The following TFG variants were observed in gnomAD, a reference collection of about 807,000 sequenced individuals.
The protein encoded by TFG is trafficking from ER to golgi regulator, also known as protein TFG.
TFG carries 22 observed loss-of-function variants against 51.4 expected under a neutral mutation model. The ratio of observed to expected loss-of-function variants is 0.43; its 90% CI spans 0.31 to 0.61. TFG has a LOEUF of 0.61. Among genes scored for constraint, TFG ranks in the 20% least tolerant of loss-of-function variants. TFG has a pLI of 0.12. For synonymous variants in TFG, 187 were observed against 165.6 expected, an observed-to-expected ratio of 1.13 and a Z score of -0.99; for missense variants, 419 against 487.7, an observed-to-expected ratio of 0.86 and a Z score of 1.33.
chr3:100,713,901 T>TA, intron 2 of TFG, 32 bp downstream of exon 2: 5 of 1,262,314 alleles, frequency 4.0e-6, no homozygotes, highest in Non-Finnish European at 5.3e-6. Context: ...TTTTTTAAAG[T>TA]CTTTTTAAAA....
At chr3:100,728,921 A>AG in intron 4 of TFG, 63 bp downstream of exon 4, 1 of 1,407,090 alleles carries the variant, frequency 7.1e-7, no homozygotes, top group Non-Finnish European at 9.4e-7. Flanking sequence ...GGTTTTAAAA[A>AG]ACTCTTTTTA....
chr3:100,713,329 A>C lies in TFG; in HGVS notation c.-43-314A>C, dbSNP rs142461512. Among the ~76,000 whole-genome samples the C allele has an allele frequency of 4.0e-3, 611 of 152,318 alleles. 5 individuals are homozygous for C. In the Middle Eastern group the frequency reaches 0.044, roughly 11 times the overall value. On this transcript the variant is annotated intron_variant, in intron 1 of 7. Coordinates refer to ENST00000240851, the MANE Select transcript of TFG (RefSeq NM_006070.6). The stretch of plus-strand genomic sequence containing the variant: ...GTCTTATACAACTCGAAGGAAGATA[A>C]AGAAGCCTCTAGGAGAGGCAGGTTT...
chr3:100,721,034 G>A (rs2095059451), intron 3 of TFG, among the ~76,000 whole-genome samples: 1 of 151,824 alleles, frequency 6.6e-6, no homozygotes, highest in South Asian at 2.1e-4. Context: ...TCTCCATCTA[G>A]GAAGGATGAA....
At chr3:100,719,498 A>T (rs903686223) in intron 2 of TFG, among the ~76,000 whole-genome samples, 10 of 152,186 alleles carry the variant, frequency 6.6e-5, no homozygotes, top group African/African-American at 2.4e-4. Context: ...ATGGTCAGTG[A>T]CCTGAAAGAA....
chr3:100,740,952 C>T (rs1316847598), intron 6 of TFG, among the ~76,000 whole-genome samples: 2 of 152,052 alleles, frequency 1.3e-5, no homozygotes, highest in Non-Finnish European at 1.5e-5. Flanking sequence ...TTTCTATTGC[C>T]TAGTGATGTG....
chr3:100,724,096 A>G (rs2095068353), intron 3 of TFG, among the ~76,000 whole-genome samples: 1 of 152,182 alleles, frequency 6.6e-6, no homozygotes, highest in African/African-American at 2.4e-5. Context: ...TTTTTAGAGA[A>G]TGCTAAAGCT....
intron 1 of TFG, among the ~76,000 whole-genome samples, chr3:100,712,167 G>A (rs1483115426): frequency 1.3e-5 from 2 of 152,156 alleles, no homozygotes; most frequent in Non-Finnish European, 2.9e-5. Flanking sequence ...GAGGGGTCTA[G>A]AGATATTAAT....
intron 1 of TFG, 173 bp downstream of exon 1, chr3:100,709,894 G>T (rs1436534728): frequency 1.5e-5 from 2 of 129,292 alleles, no homozygotes; most frequent in Non-Finnish European, 3.4e-5. Flanking sequence ...GGGAGGACGA[G>T]GCCGGGGGGG....
intron 4 of TFG, among the ~76,000 whole-genome samples, chr3:100,729,596 TTTC>T (rs1227259681): frequency 1.3e-5 from 2 of 151,518 alleles, no homozygotes; most frequent in African/African-American, 4.9e-5. Context: ...TTATTATTTT[TTTC>T]TTTTTACAAA....
At position 100,719,981 on chromosome 3, in the gene TFG, A is replaced by G; in HGVS notation, c.191A>G (p.Asp64Gly). The part of the protein sequence containing the change: ...VTIKYKDEDG[D>G]LITIFDSSDL... ...TTTTTTTTTTAAATTCCAGATGGAG[A>G]TCTTATAACAATTTTTGATAGTTCT... is the stretch of plus-strand genomic sequence containing the variant. Residue 64 changes from aspartate to glycine, a missense_variant, in exon 3 of 8, where the codon GAT becomes GGT. By Grantham distance (94) the Asp-to-Gly change is moderately conservative. Coordinates refer to ENST00000240851, the MANE Select transcript of TFG (RefSeq NM_006070.6). 2.0e-6 allele frequency: 3 copies of G among 1,530,600 alleles called. No homozygotes were observed. Among genetic ancestry groups the G allele is most frequent in the Admixed American group, 4.3e-5 (2 of 46,808 alleles). 94.8% of individuals were successfully genotyped at this position (1,530,600 alleles called of 1,614,324 possible).
intron 7 of TFG, 116 bp from the exon 8 acceptor site, chr3:100,748,033 C>T: frequency 2.2e-6 from 2 of 913,436 alleles, no homozygotes; most frequent in Non-Finnish European, 3.3e-6. Context: ...CTGCTTGTTA[C>T]ATACATATTT....
At chr3:100,712,130 TAATAA>T (rs2095032972) in intron 1 of TFG, among the ~76,000 whole-genome samples, 1 of 152,236 alleles carries the variant, frequency 6.6e-6, no homozygotes, top group Non-Finnish European at 1.5e-5. Context: ...GAAGATTTAT[TAATAA>T]AATATCTGTT....
intron 2 of TFG, among the ~76,000 whole-genome samples, chr3:100,717,576 A>G (rs72928981): frequency 0.042 from 4,232 of 101,800 alleles, 182 homozygotes; most frequent in African/African-American, 0.11. Context: ...TTCTTTCATC[A>G]GTGTTTTTTT....
chr3:100,727,080 A>G (rs1009891287), intron 3 of TFG, among the ~76,000 whole-genome samples: 3 of 152,162 alleles, frequency 2.0e-5, no homozygotes, highest in African/African-American at 7.2e-5. Context: ...GAGTTTTGAC[A>G]TGGTTATGGA....
intron 5 of TFG, among the ~76,000 whole-genome samples, chr3:100,736,116 G>T (rs1451192627): frequency 6.6e-6 from 1 of 152,158 alleles, no homozygotes; most frequent in Non-Finnish European, 1.5e-5. Flanking sequence ...GGAGTAGGGA[G>T]AAGGTTAGTT....
chr3:100,734,477 A>G (rs2149085086), intron 5 of TFG, among the ~76,000 whole-genome samples: 1 of 152,258 alleles, frequency 6.6e-6, no homozygotes, highest in South Asian at 2.1e-4. Context: ...TCTAGCCATA[A>G]GGTTGTTAAC....
At chr3:100,731,572 A>G (rs1576368537) in intron 4 of TFG, among the ~76,000 whole-genome samples, 1 of 152,302 alleles carries the variant, frequency 6.6e-6, no homozygotes, top group South Asian at 2.1e-4. Context: ...GTATCATATA[A>G]TTACACTATA....
chr3:100,721,227 C>T (rs72929000), intron 3 of TFG, among the ~76,000 whole-genome samples: 4,533 of 152,128 alleles, frequency 0.03, 184 homozygotes, highest in African/African-American at 0.092. Context: ...AATGTGTTTT[C>T]TGAATTCTGT....
In TFG at chr3:100,748,355, C is replaced by G. The variant is rs750232252; in HGVS notation, c.1027C>G (p.Pro343Ala). 3 of 1,614,102 alleles carry G rather than the reference C, an allele frequency of 1.9e-6. No individual in the cohort carries two copies. The highest frequency in any genetic ancestry group is 2.5e-6 in the Non-Finnish European group (3 of 1,179,994). ...TCAGCCTACTAATTATACTGTGGCTCCTGCCTCTCAACCTGGAATGGCTCC... is the reference window on the plus strand; with the variant it reads ...TCAGCCTACTAATTATACTGTGGCTGCTGCCTCTCAACCTGGAATGGCTCC... ...TSQPTNYTVA[P>A]ASQPGMAPSQ... The change falls in exon 8 of 8, where the codon CCT becomes GCT. Residue 343 changes from proline to alanine, a missense_variant. By Grantham distance (27) the Pro-to-Ala change is conservative. This residue lies in a region of TFG where 391 missense variants were observed against 434.4 expected (regional missense o/e 0.90). Coordinates refer to ENST00000240851, the MANE Select transcript of TFG (RefSeq NM_006070.6).
Sources: allele counts gnomAD v4.1 joint callset (sites outside exome capture counted in the v4.1 genomes callset), GRCh38; gene constraint gnomAD v4.1.1; regional missense constraint gnomAD v4.1.1; transcripts MANE v1.5; gene names NCBI Gene and HGNC (gene_info 2026-07-23, HGNC 2026-07-21).